The following SMC5 variants were observed in gnomAD, a reference collection of about 807,000 sequenced individuals.
SMC5 encodes structural maintenance of chromosomes 5.
SMC5 carries 88 observed loss-of-function variants against 148.3 expected under a neutral mutation model. The observed-to-expected ratio is 0.59, with a 90% CI of 0.50 to 0.71. The LOEUF (loss-of-function observed/expected upper bound fraction) is 0.71, where lower values mean the gene tolerates loss of function less well. Ranked by LOEUF, SMC5 falls within the 30% of genes least tolerant of loss-of-function variation. The probability of loss-of-function intolerance (pLI) is 0.00; values close to 1 mark genes in which losing one functional copy is unlikely to be tolerated. For missense variants in SMC5, 1,142 were observed against 1,298.9 expected, an observed-to-expected ratio of 0.88 and a Z score of 1.86; for synonymous variants, 421 against 432.8, an observed-to-expected ratio of 0.97 and a Z score of 0.34.
rs1236985686 is a variant in SMC5, at chr9:70,259,277, A to G, written c.185+14A>G. The stretch of plus-strand genomic sequence containing the variant: ...GGAGAACTTCCTGTAAGTTGCCCGG[A>G]GGCCGCGCCGCGGGTGTGGAGGTGT... On this transcript the variant is annotated intron_variant, in intron 1 of 24. Transcript: ENST00000361138. The G allele has an allele frequency of 5.8e-6, 9 of 1,559,446 alleles. No homozygotes were observed. The Admixed American group carries it at 1.5e-4, about 26-fold the overall frequency.
chr9:70,315,651 G>A (rs577516128), intron 13 of SMC5, 73 bp downstream of exon 13: 2 of 1,273,490 alleles, frequency 1.6e-6, no homozygotes, highest in East Asian at 2.7e-5. Context: ...TTAGCTAAAG[G>A]CAAGCAAAAC....
chr9:70,314,890 T>C, intron 12 of SMC5, 54 bp downstream of exon 12: 1 of 1,081,646 alleles, frequency 9.2e-7, no homozygotes. Flanking sequence ...TCAACATTTA[T>C]TGTTACATAA....
intron 17 of SMC5, among the ~76,000 whole-genome samples, chr9:70,331,941 G>A (rs80068115): frequency 0.069 from 10,474 of 152,002 alleles, 573 homozygotes; most frequent in East Asian, 0.22. Flanking sequence ...CTTGGAAAGA[G>A]TTTCCACACC....
chr9:70,297,851 A>G, intron 8 of SMC5, 115 bp from the exon 9 acceptor site: 1 of 1,193,042 alleles, frequency 8.4e-7, no homozygotes. Context: ...GACACCTTTT[A>G]GTGAGGAAAA....
At chr9:70,300,363 G>C (rs574888936) in intron 10 of SMC5, among the ~76,000 whole-genome samples, 163 bp downstream of exon 10, 2 of 152,160 alleles carry the variant, frequency 1.3e-5, no homozygotes, top group East Asian at 3.9e-4. Flanking sequence ...AAGGTCCCCT[G>C]ATCAATGAGG....
Position 70,326,650 on chromosome 9 carries a change from G to A in SMC5, c.2397+2507G>A, listed in dbSNP as rs11142369. ...TTAGCTGGGGGTAGGAAAAGACAAG[G>A]TTAAAAGCTACACTCATCTAAATAG... On this transcript the variant is annotated intron_variant, in intron 17 of 24. Coordinates refer to ENST00000361138, the MANE Select transcript of SMC5 (RefSeq NM_015110.4). Among the ~76,000 whole-genome samples the A allele has an allele frequency of 8.5e-4, 125 of 147,722 alleles. No homozygotes were observed. The East Asian group carries it at 0.023, about 27-fold the overall frequency.
chr9:70,328,814 C>G (rs569555290), intron 17 of SMC5, among the ~76,000 whole-genome samples: 1 of 152,210 alleles, frequency 6.6e-6, no homozygotes, highest in African/African-American at 2.4e-5. Context: ...GAGGGCTTAG[C>G]CCCTGCAGCA....
chr9:70,352,035 C>T (rs997363212), intron 24 of SMC5, among the ~76,000 whole-genome samples, 156 bp from the exon 25 acceptor site: 13 of 151,890 alleles, frequency 8.6e-5, no homozygotes, highest in African/African-American at 1.5e-4. Flanking sequence ...GAGCTGAGAT[C>T]GCACCTCTGT....
intron 3 of SMC5, among the ~76,000 whole-genome samples, chr9:70,269,966 C>G (rs2034398496): frequency 6.6e-6 from 1 of 152,128 alleles, no homozygotes; most frequent in African/African-American, 2.4e-5. Context: ...TTCTCAAACT[C>G]AACACAGCAC....
At chr9:70,294,196 G>A (rs4449855) in intron 8 of SMC5, among the ~76,000 whole-genome samples, 32,719 of 152,018 alleles carry the variant, frequency 0.22, 3,654 homozygotes, top group South Asian at 0.28. Flanking sequence ...CTGAGTGAGT[G>A]GAAGGAAGGC....
intron 8 of SMC5, 106 bp downstream of exon 8, chr9:70,286,377 C>T: frequency 1.5e-6 from 1 of 672,528 alleles, no homozygotes; most frequent in South Asian, 2.0e-5. Context: ...CCAAGATCCT[C>T]TGCATTCTCT....
chr9:70,340,957 C>T (rs1198490953), intron 17 of SMC5, among the ~76,000 whole-genome samples: 1 of 152,070 alleles, frequency 6.6e-6, no homozygotes, highest in Non-Finnish European at 1.5e-5. Context: ...ATATTTTGTA[C>T]ATTTCACTCA....
chr9:70,286,757 C>T (rs1370190503), intron 8 of SMC5: 1 of 142,778 alleles, frequency 7.0e-6, no homozygotes, highest in Non-Finnish European at 1.5e-5. Flanking sequence ...GTCTCTGTTA[C>T]CCAGGTTGGA....
In SMC5 at chr9:70,278,631, TTAAA is replaced by T. The variant is rs1297649570; in HGVS notation, c.678+9_678+12del. 1.3e-6 allele frequency: 2 copies of T among 1,596,038 alleles called. No individual in the cohort carries two copies. Among genetic ancestry groups the T allele is most frequent in the Admixed American group, 1.9e-5 (1 of 53,508 alleles). Reference sequence around the variant, plus strand: ...AGAAAGAAAAACAGCTCGAGGTACTTTAAATAGACAACTCATTTGTATTGTTTCT... The same window carrying T: ...AGAAAGAAAAACAGCTCGAGGTACTTTAGACAACTCATTTGTATTGTTTCT... On this transcript the variant is annotated splice_region_variant and intron_variant, in intron 5 of 24. Transcript: ENST00000361138.
At chr9:70,268,363 T>C (rs1398712057) in intron 3 of SMC5, among the ~76,000 whole-genome samples, 3 of 152,016 alleles carry the variant, frequency 2.0e-5, no homozygotes, top group Admixed American at 6.6e-5. Flanking sequence ...GGAGAATTGC[T>C]GGAACCTGGG....
intron 3 of SMC5, among the ~76,000 whole-genome samples, chr9:70,272,410 G>T (rs1234086254): frequency 1.3e-5 from 2 of 152,136 alleles, no homozygotes; most frequent in East Asian, 3.9e-4. Context: ...TAAAGTTTGA[G>T]ATGCCTAGTA....
rs117947896 is a variant in SMC5, at chr9:70,350,092, T to A, written c.2890-22T>A. 1,008 of 1,538,088 alleles carry A rather than the reference T, an allele frequency of 6.6e-4. 8 individuals carry two copies. The East Asian group carries it at 0.01, about 16-fold the overall frequency. ...ATTACCAGAGGAAACTCATTTTTCA[T>A]CACTTTTTAAATGTTTTATAGGAAG... On this transcript the variant is annotated intron_variant, in intron 22 of 24. Transcript: ENST00000361138.
chr9:70,278,348 A>T, intron 4 of SMC5, 143 bp from the exon 5 acceptor site: 5 of 737,396 alleles, frequency 6.8e-6, no homozygotes, highest in Non-Finnish European at 1.1e-5. Context: ...TCATTATTCT[A>T]AAGAATAATG....
At chr9:70,272,160 A>G (rs553367286) in intron 3 of SMC5, among the ~76,000 whole-genome samples, 45 of 152,312 alleles carry the variant, frequency 3.0e-4, no homozygotes, top group African/African-American at 1.0e-3. Flanking sequence ...AGAAGGAGCA[A>G]GATATCAGGG....
Sources: gnomAD v4.1 joint callset for allele counts (sites outside exome capture counted in the v4.1 genomes callset) on GRCh38, gnomAD v4.1.1 for gene constraint, MANE v1.5 for transcripts, NCBI Gene and HGNC (gene_info 2026-07-23, HGNC 2026-07-21) for gene names.